LMBRD1: variants seen among roughly 807,000 people sequenced by gnomAD.
The protein encoded by LMBRD1 is LMBR1 domain containing 1.
Under a neutral mutation model 74.8 loss-of-function variants are expected in LMBRD1, and 64 were observed. That is an observed-to-expected ratio of 0.86 (90% CI 0.70 to 1.05). LMBRD1 has a LOEUF of 1.05. Among genes scored for constraint, LMBRD1 ranks in the 50% least tolerant of loss-of-function variants. The pLI is 0.00. For missense variants in LMBRD1, 652 were observed against 645.9 expected, an observed-to-expected ratio of 1.01 and a Z score of -0.10; for synonymous variants, 204 against 216.3, an observed-to-expected ratio of 0.94 and a Z score of 0.50.
At chr6:69,722,512 G>A (rs1330465944) in intron 7 of LMBRD1, among the ~76,000 whole-genome samples, 1 of 151,496 alleles carries the variant, frequency 6.6e-6, no homozygotes, top group African/African-American at 2.4e-5. Context: ...GAGACGTAAA[G>A]AGAAACAACA....
chr6:69,710,205 C>T (rs575455729), intron 9 of LMBRD1, among the ~76,000 whole-genome samples: 2 of 152,084 alleles, frequency 1.3e-5, no homozygotes, highest in East Asian at 3.9e-4. Context: ...CCCACACTTA[C>T]ACTACAATCA....
At chr6:69,756,390 T>C (rs1255209651) in intron 3 of LMBRD1, among the ~76,000 whole-genome samples, 4 of 145,498 alleles carry the variant, frequency 2.7e-5, no homozygotes, top group Non-Finnish European at 4.4e-5. Context: ...AAAGAAAATA[T>C]ATACATTGGT....
intron 2 of LMBRD1, among the ~76,000 whole-genome samples, chr6:69,789,085 G>A (rs1353382476): frequency 6.6e-6 from 1 of 152,154 alleles, no homozygotes; most frequent in East Asian, 1.9e-4. Context: ...ACATTACAAT[G>A]TTTGGCACAC....
chr6:69,700,426 T>C (rs1008491515), intron 12 of LMBRD1, among the ~76,000 whole-genome samples: 2 of 151,838 alleles, frequency 1.3e-5, no homozygotes, highest in African/African-American at 2.4e-5. Context: ...ATGGAACTAT[T>C]GACATTTTAG....
At chr6:69,748,225 A>T (rs1162593024) in intron 5 of LMBRD1, among the ~76,000 whole-genome samples, 1 of 152,216 alleles carries the variant, frequency 6.6e-6, no homozygotes, top group Non-Finnish European at 1.5e-5. Context: ...AATACTTACT[A>T]TCTATGCTTT....
chr6:69,769,132 C>T (rs6922658), intron 3 of LMBRD1, among the ~76,000 whole-genome samples: 17,062 of 151,910 alleles, frequency 0.11, 2,686 homozygotes, highest in African/African-American at 0.35. Flanking sequence ...TCTGAGATTC[C>T]CATCACACAT....
intron 7 of LMBRD1, among the ~76,000 whole-genome samples, chr6:69,724,524 T>C (rs1305292001): frequency 7.0e-6 from 1 of 142,288 alleles, no homozygotes; most frequent in Non-Finnish European, 1.6e-5. Flanking sequence ...GAACCATCCC[T>C]TGCACCTCAG....
At chr6:69,703,516 A>T (rs1371000163) in intron 9 of LMBRD1, among the ~76,000 whole-genome samples, 1 of 151,944 alleles carries the variant, frequency 6.6e-6, no homozygotes, top group African/African-American at 2.4e-5. Context: ...CCAAATCTGT[A>T]GAGATGACTG....
chr6:69,723,066 C>A (rs1228711395), intron 7 of LMBRD1, among the ~76,000 whole-genome samples: 2 of 152,028 alleles, frequency 1.3e-5, no homozygotes, highest in African/African-American at 4.8e-5. Context: ...AGGCAAAAAA[C>A]TGTATGAAAA....
At chr6:69,786,665 T>A (rs1765956015) in intron 2 of LMBRD1, among the ~76,000 whole-genome samples, 1 of 152,132 alleles carries the variant, frequency 6.6e-6, no homozygotes, top group South Asian at 2.1e-4. Context: ...CTAGCTAAAA[T>A]TATTAATAAT....
intron 5 of LMBRD1, among the ~76,000 whole-genome samples, chr6:69,742,464 A>G (rs1767125638): frequency 6.6e-6 from 1 of 152,178 alleles, no homozygotes; most frequent in South Asian, 2.1e-4. Context: ...AATAATAGAG[A>G]CAGCTAGCAT....
At chr6:69,796,344 C>T (rs932524369) in intron 1 of LMBRD1, among the ~76,000 whole-genome samples, 3 of 152,136 alleles carry the variant, frequency 2.0e-5, no homozygotes, top group African/African-American at 4.8e-5. Context: ...GACTCACTAG[C>T]CCCAAGGGTA....
chr6:69,730,877 T>C (rs1428793044), intron 7 of LMBRD1, among the ~76,000 whole-genome samples: 3 of 152,074 alleles, frequency 2.0e-5, no homozygotes, highest in South Asian at 4.1e-4. Context: ...CTTAGGTATA[T>C]GCAAAAGGAT....
chr6:69,690,632 T>C (rs1356066848), intron 14 of LMBRD1, among the ~76,000 whole-genome samples: 2 of 152,208 alleles, frequency 1.3e-5, no homozygotes, highest in Non-Finnish European at 2.9e-5. Flanking sequence ...TATACTTTTT[T>C]AGTTATGTAA....
chr6:69,713,940 G>A, intron 8 of LMBRD1, 143 bp from the exon 9 acceptor site: 1 of 782,242 alleles, frequency 1.3e-6, no homozygotes, highest in South Asian at 1.6e-5. Context: ...CCTGACAACT[G>A]CAATATGACA....
At position 69,694,325 on chromosome 6, in the gene LMBRD1, T is replaced by C. The variant is rs566097292; in HGVS notation, c.1417+3238A>G. Among the ~76,000 whole-genome samples the C allele has an allele frequency of 1.2e-4, 19 of 152,302 alleles. No homozygotes were observed. In the South Asian group the frequency reaches 3.9e-3, roughly 32 times the overall value. The stretch of plus-strand genomic sequence containing the variant: ...TTAGACCTTCAAGGTCATTGACTTC[T>C]TAGTTAAAAACAAATTACAAACCAA... On this transcript the variant is annotated intron_variant, in intron 14 of 15. Transcript: ENST00000649934.
chr6:69,764,596 T>C (rs1173681407), intron 3 of LMBRD1, among the ~76,000 whole-genome samples: 1 of 152,222 alleles, frequency 6.6e-6, no homozygotes, highest in Non-Finnish European at 1.5e-5. Flanking sequence ...TGAAGATCTT[T>C]CTATGGGTTT....
chr6:69,725,899 C>T (rs1455480903), intron 7 of LMBRD1, among the ~76,000 whole-genome samples: 2 of 152,148 alleles, frequency 1.3e-5, no homozygotes, highest in African/African-American at 4.8e-5. Flanking sequence ...TTACATCAAG[C>T]TAAAAAGCTT....
chr6:69,766,411 C>T (rs1463776221), intron 3 of LMBRD1, among the ~76,000 whole-genome samples: 2 of 151,878 alleles, frequency 1.3e-5, no homozygotes, highest in Admixed American at 1.3e-4. Context: ...TTGAGATGAT[C>T]ATTCATTTCT....
Sources: gnomAD v4.1 joint callset for allele counts (sites outside exome capture counted in the v4.1 genomes callset) on GRCh38, gnomAD v4.1.1 for gene constraint, MANE v1.5 for transcripts, NCBI Gene and HGNC (gene_info 2026-07-23, HGNC 2026-07-21) for gene names.